The following PLA2G4E variants were observed in gnomAD, a reference collection of about 807,000 sequenced individuals.
PLA2G4E encodes cytosolic phospholipase A2 epsilon.
Under a neutral mutation model 109.1 loss-of-function variants are expected in PLA2G4E, and 84 were observed. The ratio of observed to expected loss-of-function variants is 0.77; its 90% confidence interval spans 0.65 to 0.92. PLA2G4E has a LOEUF of 0.92. Ranked by LOEUF, PLA2G4E falls within the 40% of genes least tolerant of loss-of-function variation. The pLI, the probability that PLA2G4E is intolerant of heterozygous loss-of-function variation, is 0.00. For missense variants in PLA2G4E, 1,057 were observed against 1,076.6 expected (o/e 0.98, Z 0.25); for synonymous variants, 469 against 436.1 (o/e 1.08, Z -0.94).
intron 17 of PLA2G4E, 25 bp from the exon 18 acceptor site, chr15:41,986,030 C>A: frequency 6.4e-7 from 1 of 1,570,624 alleles, no homozygotes; most frequent in East Asian, 2.3e-5. Flanking sequence ...TTCCCGTTAC[C>A]AACACACCTG....
At chr15:41,996,761 C>CCA (rs1806406176) in intron 11 of PLA2G4E, among the ~76,000 whole-genome samples, 2 of 152,208 alleles carry the variant, frequency 1.3e-5, no homozygotes, top group Non-Finnish European at 2.9e-5. Context: ...AAAGAAGGAC[C>CCA]TAAGGCCTTT....
intron 11 of PLA2G4E, 86 bp downstream of exon 11, chr15:41,997,038 G>C (rs1273277584): frequency 7.0e-7 from 1 of 1,427,840 alleles, no homozygotes; most frequent in Non-Finnish European, 9.3e-7. Context: ...TGGCGCCTGG[G>C]GTAGGGCAGG....
intron 1 of PLA2G4E, among the ~76,000 whole-genome samples, chr15:42,019,255 C>T (rs923401866): frequency 7.9e-5 from 12 of 152,188 alleles, no homozygotes; most frequent in African/African-American, 2.7e-4. Flanking sequence ...CCTCAGCCTC[C>T]TCATTGGAGC....
At chr15:42,026,529 G>A (rs181160870) in intron 1 of PLA2G4E, among the ~76,000 whole-genome samples, 3 of 152,308 alleles carry the variant, frequency 2.0e-5, no homozygotes, top group African/African-American at 7.2e-5. Flanking sequence ...TGAGAAAGTT[G>A]GATAATGGCA....
At chr15:42,013,730 T>A in exon 2 of PLA2G4E, 1 of 1,550,576 alleles carries the variant, frequency 6.4e-7, no homozygotes, top group Non-Finnish European at 8.7e-7. Flanking sequence ...ACCCTCACTG[T>A]CAACAGGTGG....
chr15:42,032,344 C>T (rs887981174), intron 1 of PLA2G4E, among the ~76,000 whole-genome samples: 3 of 152,212 alleles, frequency 2.0e-5, no homozygotes, highest in African/African-American at 7.2e-5. Flanking sequence ...CCCATGGGCA[C>T]CATTCAGTTC....
Position 41,991,812 on chromosome 15 carries a change from G to C in PLA2G4E, c.1470+925C>G, listed in dbSNP as rs190217614. Among the ~76,000 whole-genome samples the C allele has an allele frequency of 6.0e-4, 91 of 152,284 alleles. 1 individual carries two copies. The highest frequency in any genetic ancestry group is 1.2e-3 in the South Asian group (6 of 4,818). On this transcript the variant is annotated intron_variant, in intron 13 of 19. Coordinates refer to ENST00000399518, the Ensembl canonical transcript of PLA2G4E. ...CCCCGGACACCTTTGGAGTGGAGCA[G>C]GGAACCGTGGGCCTGGACAGAGGTG...
intron 1 of PLA2G4E, among the ~76,000 whole-genome samples, chr15:42,035,795 T>C (rs1006724798): frequency 6.6e-6 from 1 of 152,238 alleles, no homozygotes; most frequent in African/African-American, 2.4e-5. Context: ...CATTTTATTA[T>C]TCTCTATACA....
chr15:41,997,524 A>C, intron 10 of PLA2G4E: 1 of 272,468 alleles, frequency 3.7e-6, no homozygotes. Flanking sequence ...ACAAAAGATA[A>C]CTGTTGGCAC....
intron 1 of PLA2G4E, among the ~76,000 whole-genome samples, chr15:42,030,711 C>T (rs28674125): frequency 0.14 from 20,842 of 152,250 alleles, 1,680 homozygotes; most frequent in South Asian, 0.2. Context: ...CCTTCTGCTT[C>T]CCCCTCAGCC....
rs189988012 is a variant in PLA2G4E at position 42,034,879 on chromosome 15, G to A, written c.183+15642C>T. The stretch of plus-strand genomic sequence containing the variant: ...CTTCCCAGTTACATGAGACAATAAA[G>A]GCTTTTTATTTGCTTAAGCGTATTT... On this transcript the variant is annotated intron_variant, in intron 1 of 19. Transcript: ENST00000399518. Among the ~76,000 whole-genome samples, 51 of 152,336 alleles carry A rather than the reference G, an allele frequency of 3.3e-4. 2 individuals are homozygous for A. The East Asian group carries it at 9.2e-3, about 28-fold the overall frequency.
intron 15 of PLA2G4E, among the ~76,000 whole-genome samples, chr15:41,988,374 G>A (rs1414307333): frequency 6.6e-6 from 1 of 152,102 alleles, no homozygotes; most frequent in Admixed American, 6.6e-5. Flanking sequence ...CCTCCCCTCA[G>A]TGCCGGGAGA....
chr15:41,999,803 G>T, intron 9 of PLA2G4E, 114 bp downstream of exon 9: 1 of 1,253,238 alleles, frequency 8.0e-7, no homozygotes, highest in Non-Finnish European at 1.1e-6. Flanking sequence ...CTGCCTGAGA[G>T]AGACCCTCAC....
chr15:41,990,335 G>A, intron 13 of PLA2G4E, 100 bp from the exon 14 acceptor site: 1 of 1,059,878 alleles, frequency 9.4e-7, no homozygotes, highest in South Asian at 1.4e-5. Context: ...GCCACTTCCT[G>A]GCTCCTGAGC....
intron 1 of PLA2G4E, among the ~76,000 whole-genome samples, chr15:42,018,037 C>T (rs753773647): frequency 4.1e-4 from 62 of 152,204 alleles, no homozygotes; most frequent in Admixed American, 1.1e-3. Flanking sequence ...ACATCCCAGC[C>T]GGATCATGCT....
At position 42,050,644 on chromosome 15, in the gene PLA2G4E, C is replaced by T. The variant is rs778823689; in HGVS notation, c.60G>A (p.Gln20=). ...TGCCTTCTTCATCCGTTTGTGGGCT[C>T]TGTGGGACAAACACATTAGTTCCCA... Residue 20 remains glutamine (Q), a synonymous_variant, in exon 1 of 20, where the codon CAG becomes CAA. Coordinates refer to ENST00000399518, the Ensembl canonical transcript of PLA2G4E. 8 of 1,550,624 alleles carry T rather than the reference C, an allele frequency of 5.2e-6. No homozygotes were observed. The East Asian group carries it at 2.0e-4, about 38-fold the overall frequency.
chr15:42,012,378 C>T (rs979789195), intron 2 of PLA2G4E, among the ~76,000 whole-genome samples: 1 of 152,224 alleles, frequency 6.6e-6, no homozygotes, highest in African/African-American at 2.4e-5. Flanking sequence ...TTGCCACACT[C>T]TCCACACCTG....
At chr15:41,998,264 A>G (rs2141039101) in intron 10 of PLA2G4E, 1 of 152,390 alleles carries the variant, frequency 6.6e-6, no homozygotes, top group South Asian at 2.1e-4. Context: ...ACAGGGCTGC[A>G]GACATGGCTG....
chr15:42,018,814 T>G (rs997540339), intron 1 of PLA2G4E, among the ~76,000 whole-genome samples: 1 of 152,116 alleles, frequency 6.6e-6, no homozygotes, highest in African/African-American at 2.4e-5. Flanking sequence ...CCAGCTCATG[T>G]GGAAAAGAGG....
Sources: allele counts gnomAD v4.1 joint callset (sites outside exome capture counted in the v4.1 genomes callset), GRCh38; gene constraint gnomAD v4.1.1; transcripts MANE v1.5; gene names NCBI Gene and HGNC (gene_info 2026-07-23, HGNC 2026-07-21).